The following UVSSA variants were observed in gnomAD, a reference collection of about 807,000 sequenced individuals.
UVSSA encodes UV-stimulated scaffold protein A.
In UVSSA, 72 loss-of-function variants were observed where a neutral mutation model predicts 73.9. The ratio of observed to expected loss-of-function variants is 0.97; its 90% CI spans 0.81 to 1.19. The LOEUF (loss-of-function observed/expected upper bound fraction) is 1.19. UVSSA is among the 50% of genes most tolerant of loss of function. The pLI, the probability that UVSSA is intolerant of heterozygous loss-of-function variation, is 0.00. For missense variants in UVSSA, 1,150 were observed against 965.0 expected (o/e 1.19, Z -2.54); for synonymous variants, 454 against 391.3 (o/e 1.16, Z -1.89).
intron 8 of UVSSA, chr4:1,375,070 A>G (rs978792974): frequency 2.4e-6 from 1 of 412,044 alleles, no homozygotes; most frequent in Non-Finnish European, 4.4e-6. Context: ...TGGCGAATCC[A>G]TCTGCTCAGG....
rs773967239 is a variant in UVSSA, at chr4:1,355,215, C to T, written c.1146C>T (p.Asp382=). Residue 382 remains aspartate, a synonymous_variant, in exon 7 of 14, where the codon GAC becomes GAT. Coordinates refer to ENST00000389851, the MANE Select transcript of UVSSA (RefSeq NM_020894.4). ...ELVLRKYKEL[D]IEPEGGERRR... is the part of the protein sequence containing the mutation. ...TACTGAGAAAATACAAGGAGCTGGA[C>T]ATCGAGCCTGAGGGAGGGGAAAGGC... is the stretch of plus-strand genomic sequence containing the variant. The T allele has an allele frequency of 8.7e-6, 14 of 1,612,882 alleles. No homozygotes were observed. The East Asian group carries it at 1.8e-4, about 21-fold the overall frequency.
At chr4:1,390,242 TTTG>T (rs1206494825), downstream of UVSSA, 1 of 152,210 alleles carries the variant, frequency 6.6e-6, no homozygotes, top group East Asian at 1.9e-4. Flanking sequence ...TATTTAAGAG[TTTG>T]TTGTTTAATT....
At position 1,394,751 on chromosome 4, in the gene UVSSA, C is replaced by A. The variant is rs532123027; in HGVS notation, c.*8790C>A. 3.8e-6 allele frequency: 6 copies of A among 1,596,938 alleles called. No individual in the cohort carries two copies. In the South Asian group the frequency reaches 6.6e-5, roughly 18 times the overall value. On this transcript the variant is annotated 3_prime_UTR_variant, in exon 14 of 14. Coordinates refer to the UVSSA transcript ENST00000511216. Reference sequence around the variant, plus strand: ...TGGAGTGCCCACCTGCTCATGTGCCCATGTGGAGTGCCCACCTGCTCACAT... The same window carrying A: ...TGGAGTGCCCACCTGCTCATGTGCCAATGTGGAGTGCCCACCTGCTCACAT...
At chr4:1,366,504 A>T in intron 8 of UVSSA, 73 bp downstream of exon 8, 1 of 1,170,382 alleles carries the variant, frequency 8.5e-7, no homozygotes, top group Non-Finnish European at 1.2e-6. Flanking sequence ...CCTTGGGGTC[A>T]TGACCTCAGG....
chr4:1,394,132 G>A, exon 14 of UVSSA: 2 of 362,532 alleles, frequency 5.5e-6, no homozygotes, highest in South Asian at 5.5e-5. Flanking sequence ...AGCCAGAGGT[G>A]AGGGCCAGGG....
chr4:1,383,142 G>A (rs1719698482), intron 12 of UVSSA, among the ~76,000 whole-genome samples: 1 of 152,156 alleles, frequency 6.6e-6, no homozygotes, highest in South Asian at 2.1e-4. Context: ...CTGCCACAGG[G>A]CCTCAAGCAG....
Position 1,353,050 on chromosome 4 carries a change from T to C in UVSSA, c.571T>C (p.Ser191Pro), listed in dbSNP as rs753243616. The change falls in exon 5 of 14, where the codon TCC (serine) becomes CCC (proline). Residue 191 changes from serine to proline, a missense_variant. Ser to Pro is a moderately conservative substitution (Grantham distance 74). Coordinates refer to ENST00000389851, the MANE Select transcript of UVSSA (RefSeq NM_020894.4). ...EMQEMSGEIE[S>P]CLTEVESCFR... is the part of the protein sequence containing the mutation. ...GGCAGAAATGTCTGGAGAAATTGAA[T>C]CCTGCTTGACGGAGGTAGAGAGCTG... 9 of 1,610,960 alleles carry C rather than the reference T, an allele frequency of 5.6e-6. No individual in the cohort carries two copies. Among genetic ancestry groups the C allele is most frequent in the Non-Finnish European group, 7.6e-6 (9 of 1,178,774 alleles).
At chr4:1,394,390 T>C in exon 14 of UVSSA, 3 of 1,487,982 alleles carry the variant, frequency 2.0e-6, no homozygotes, top group South Asian at 2.5e-5. Context: ...CTTCTAGTAC[T>C]TTTATGGGTT....
intron 3 of UVSSA, among the ~76,000 whole-genome samples, chr4:1,351,496 C>T (rs1172652904): frequency 1.3e-5 from 2 of 152,046 alleles, no homozygotes; most frequent in Non-Finnish European, 2.9e-5. Context: ...CACCATTCTC[C>T]TGCCTCAATC....
At chr4:1,366,634 G>A (rs998072454) in intron 8 of UVSSA, among the ~76,000 whole-genome samples, 1 of 152,210 alleles carries the variant, frequency 6.6e-6, no homozygotes, top group African/African-American at 2.4e-5. Context: ...TCTACGTTCT[G>A]GCTCCGTCTC....
intron 1 of UVSSA, 101 bp downstream of exon 1, chr4:1,347,861 C>T (rs1029446440): frequency 3.9e-6 from 2 of 506,602 alleles, no homozygotes; most frequent in East Asian, 3.4e-5. Context: ...GTCCCACACA[C>T]GGGATTGTAG....
rs538541323 is a variant in UVSSA, at chr4:1,380,060, C to G, written c.1582C>G (p.His528Asp). The part of the protein sequence containing the change: ...AGKIVKSDSQ[H>D]RFWKPSEVEE... ...CTGTGTCTGCAGGTCTGACTCCCAG[C>G]ACCGCTTCTGGAAGCCCAGCGAGGT... The change falls in exon 11 of 14, where the codon CAC (histidine) becomes GAC (aspartate). Residue 528 changes from histidine (H) to aspartate (D), a missense_variant. By Grantham distance (81) the His-to-Asp change is moderately conservative (BLOSUM62 -1). Coordinates refer to ENST00000389851, the MANE Select transcript of UVSSA (RefSeq NM_020894.4). The G allele has an allele frequency of 9.3e-5, 149 of 1,608,078 alleles. 1 individual carries two copies. The South Asian group carries it at 1.4e-3, about 16-fold the overall frequency.
intron 7 of UVSSA, among the ~76,000 whole-genome samples, chr4:1,361,142 T>C (rs1261998648): frequency 6.6e-6 from 1 of 152,206 alleles, no homozygotes; most frequent in Non-Finnish European, 1.5e-5. Flanking sequence ...CTAGCCTAGC[T>C]CTGGAATCGA....
At position 1,383,771 on chromosome 4, in the gene UVSSA, C is replaced by T. The variant is rs372308335; in HGVS notation, c.1867C>T (p.Gln623Ter). The change falls in exon 13 of 14, where the codon CAG (glutamine) becomes TAG (stop). Residue 623 changes from glutamine (Q) to a stop codon, truncating the protein, a stop_gained. Coordinates refer to ENST00000389851, the MANE Select transcript of UVSSA (RefSeq NM_020894.4). LOFTEE classifies it high-confidence loss of function. ...QLQKQERPEW[Q>*]DPELMRDVEA... is the part of the protein sequence containing the mutation. Reference sequence around the variant, plus strand: ...TGCTTGAGTTTTGTTTGCAGAATGGCAGGACCCTGAGTTGATGAGAGACGT... The same window carrying T: ...TGCTTGAGTTTTGTTTGCAGAATGGTAGGACCCTGAGTTGATGAGAGACGT... 1.2e-6 allele frequency: 2 copies of T among 1,613,224 alleles called. No individual in the cohort carries two copies. The highest frequency in any genetic ancestry group is 1.7e-6 in the Non-Finnish European group (2 of 1,180,010).
At position 1,371,140 on chromosome 4, in the gene UVSSA, A is replaced by G. The variant is rs540472376; in HGVS notation, c.1289-4224A>G. On this transcript the variant is annotated intron_variant, in intron 8 of 13. Transcript: ENST00000389851. ...GTGTGTTCAGTGACAGCATGCCTGT[A>G]AGTACTTGTGTGTGGACGTGTATGT... Among the ~76,000 whole-genome samples the G allele has an allele frequency of 2.6e-5, 4 of 152,232 alleles. 1 individual carries two copies. The highest frequency in any genetic ancestry group is 9.6e-5 in the African/African-American group (4 of 41,534).
chr4:1,354,742 G>A lies in UVSSA; in HGVS notation c.942G>A (p.Leu314=). The change falls in exon 6 of 14, where the codon CTG becomes CTA. Residue 314 remains leucine (L), a synonymous_variant. Coordinates refer to ENST00000389851, the MANE Select transcript of UVSSA (RefSeq NM_020894.4). The part of the protein sequence containing the change: ...TLDVELCSEG[L]KVQENEDNLA... ...CTGTGTGCTTCTCCCCAGAGGGCCTGAAGGTGCAGGAGAACGAGGACAACC... is the reference window on the plus strand; with the variant it reads ...CTGTGTGCTTCTCCCCAGAGGGCCTAAAGGTGCAGGAGAACGAGGACAACC... 1 of 1,613,438 alleles carries A rather than the reference G, an allele frequency of 6.2e-7. No homozygotes were observed. The highest frequency in any genetic ancestry group is 8.5e-7 in the Non-Finnish European group (1 of 1,179,842).
intron 3 of UVSSA, among the ~76,000 whole-genome samples, chr4:1,351,083 T>C (rs1284004699): frequency 8.5e-5 from 13 of 152,048 alleles, no homozygotes; most frequent in Admixed American, 7.2e-4. Flanking sequence ...TTTTTGTTTT[T>C]AAGATGGAGT....
At chr4:1,375,295 C>G in intron 8 of UVSSA, 69 bp from the exon 9 acceptor site, 1 of 1,593,010 alleles carries the variant, frequency 6.3e-7, no homozygotes, top group Non-Finnish European at 8.6e-7. Flanking sequence ...TCCTAACTGC[C>G]CGGTCTTGCC....
chr4:1,394,251 C>T (rs934699488), exon 14 of UVSSA: 12 of 705,702 alleles, frequency 1.7e-5, no homozygotes, highest in Admixed American at 3.0e-5. Flanking sequence ...GTGGGCATCT[C>T]GTTCCTCAGA....
Sources: gnomAD v4.1 joint callset for allele counts (sites outside exome capture counted in the v4.1 genomes callset) on GRCh38, gnomAD v4.1.1 for gene constraint, MANE v1.5 for transcripts, NCBI Gene and HGNC (gene_info 2026-07-23, HGNC 2026-07-21) for gene names.